PLA2G4E: variants seen among roughly 807,000 people sequenced by gnomAD.
PLA2G4E encodes the protein cytosolic phospholipase A2 epsilon.
In PLA2G4E, 84 loss-of-function variants were observed where a neutral mutation model predicts 109.1. That is an observed-to-expected ratio of 0.77 (90% CI 0.65 to 0.92). PLA2G4E has a LOEUF of 0.92. PLA2G4E is among the 40% of genes least tolerant of loss of function. PLA2G4E has a pLI of 0.00. For synonymous variants in PLA2G4E, 469 were observed against 436.1 expected (o/e 1.08, Z -0.94); for missense variants, 1,057 against 1,076.6 (o/e 0.98, Z 0.25).
Position 42,050,424 on chromosome 15 carries a change from C to G in PLA2G4E, c.183+97G>C, listed in dbSNP as rs1381071549. ...AAGAAATGAACAAAAACCACAACCT[C>G]TTAACTCTGCAGCAATGCAGGTGAT... On this transcript the variant is annotated intron_variant, in intron 1 of 19. Coordinates refer to ENST00000399518, the Ensembl canonical transcript of PLA2G4E. The G allele has an allele frequency of 7.2e-6, 10 of 1,381,906 alleles. No homozygotes were observed. In the African/African-American group the frequency reaches 1.5e-4, roughly 20 times the overall value. 85.6% of individuals were successfully genotyped at this position (1,381,906 alleles called of 1,614,324 possible).
intron 1 of PLA2G4E, among the ~76,000 whole-genome samples, chr15:42,017,991 C>T (rs1365949003): frequency 6.6e-6 from 1 of 152,152 alleles, no homozygotes; most frequent in Non-Finnish European, 1.5e-5. Context: ...CACATTTTGC[C>T]AGCACAGAAT....
chr15:41,983,557 A>G (rs932943738), exon 20 of PLA2G4E: 19 of 600,674 alleles, frequency 3.2e-5, no homozygotes, highest in Non-Finnish European at 4.4e-5. Context: ...ATAAAACCCC[A>G]ACAGAGCTCC....
At chr15:42,025,592 T>C (rs1051542058) in intron 1 of PLA2G4E, among the ~76,000 whole-genome samples, 2 of 152,190 alleles carry the variant, frequency 1.3e-5, no homozygotes, top group African/African-American at 4.8e-5. Flanking sequence ...GGACCCATTG[T>C]ATGCAGGCGA....
At chr15:42,031,432 G>T (rs576274608) in intron 1 of PLA2G4E, among the ~76,000 whole-genome samples, 1 of 152,202 alleles carries the variant, frequency 6.6e-6, no homozygotes, top group South Asian at 2.1e-4. Flanking sequence ...GGCATGTCTG[G>T]GCTCGTCTAA....
At chr15:41,997,922 G>GC (rs1171631712) in intron 10 of PLA2G4E, 1 of 150,572 alleles carries the variant, frequency 6.6e-6, no homozygotes, top group South Asian at 2.1e-4. Flanking sequence ...TCACATCCCT[G>GC]CCCCAAACAA....
chr15:41,992,910 C>G, exon 13 of PLA2G4E: 1 of 1,613,914 alleles, frequency 6.2e-7, no homozygotes, highest in Non-Finnish European at 8.5e-7. Context: ...ATAGCAGGCT[C>G]CAAGTTTTTG....
At chr15:42,000,063 C>T (rs1191083668) in intron 8 of PLA2G4E, 41 bp downstream of exon 8, 6 of 1,572,878 alleles carry the variant, frequency 3.8e-6, no homozygotes, top group Non-Finnish European at 8.6e-7. Context: ...CCCCACCTGT[C>T]CCAGTCCCCC....
chr15:42,050,365 A>G (rs1272760249), intron 1 of PLA2G4E, among the ~76,000 whole-genome samples: 1 of 152,236 alleles, frequency 6.6e-6, no homozygotes, highest in African/African-American at 2.4e-5. Flanking sequence ...CAGATAGGTG[A>G]TGGCAGCAGG....
intron 6 of PLA2G4E, among the ~76,000 whole-genome samples, 160 bp from the exon 7 acceptor site, chr15:42,001,380 C>T (rs1019211281): frequency 4.6e-5 from 7 of 152,128 alleles, no homozygotes; most frequent in African/African-American, 1.4e-4. Flanking sequence ...TTTCTGAACC[C>T]AATCAAGGCA....
In PLA2G4E at chr15:41,989,615, C is replaced by T. The variant is rs977084201; in HGVS notation, c.1586-63G>A. The T allele has an allele frequency of 7.8e-6, 12 of 1,546,246 alleles. 1 individual carries two copies. The Admixed American group carries it at 9.6e-5, about 12-fold the overall frequency. On this transcript the variant is annotated intron_variant, in intron 14 of 19. Transcript: ENST00000399518. ...CCAGGGAGCCGTCCACACAGCCGGG[C>T]CCCCCTCCTGCCTGCAGCCACTGGC...
intron 1 of PLA2G4E, among the ~76,000 whole-genome samples, chr15:42,037,584 A>C (rs1436876932): frequency 6.6e-6 from 1 of 152,170 alleles, no homozygotes; most frequent in Non-Finnish European, 1.5e-5. Flanking sequence ...AGAACTTGGT[A>C]CCTGTCTAAT....
chr15:42,002,264 C>CAAA (rs71108143), intron 6 of PLA2G4E, among the ~76,000 whole-genome samples: 3,292 of 72,430 alleles, frequency 0.045, 239 homozygotes, highest in South Asian at 0.14. Flanking sequence ...GACCTTGTCT[C>CAAA]AAAAAAAAAA....
At chr15:42,006,280 C>T (rs542262909) in intron 3 of PLA2G4E, 159 bp from the exon 4 acceptor site, 16 of 858,740 alleles carry the variant, frequency 1.9e-5, no homozygotes, top group East Asian at 8.7e-5. Flanking sequence ...TGTAGGGAAA[C>T]GAATTAAGGA....
exon 3 of PLA2G4E, chr15:42,007,760 C>T: frequency 1.2e-6 from 2 of 1,612,758 alleles, no homozygotes; most frequent in Non-Finnish European, 1.7e-6. Context: ...GAAGTTGAAG[C>T]TTTCATTCCA....
intron 1 of PLA2G4E, among the ~76,000 whole-genome samples, chr15:42,016,241 C>CTTTTTTTT (rs1168452228): frequency 7.6e-5 from 8 of 104,686 alleles, no homozygotes; most frequent in Admixed American, 2.0e-4. Flanking sequence ...TTTATCTTTA[C>CTTTTTTTT]TTTTTTTTTT....
chr15:42,013,829 C>T, intron 1 of PLA2G4E, 72 bp from the exon 2 acceptor site: 1 of 1,259,210 alleles, frequency 7.9e-7, no homozygotes, highest in South Asian at 1.3e-5. Flanking sequence ...GGGAGACTTT[C>T]CCGCTATGCC....
intron 2 of PLA2G4E, 106 bp from the exon 3 acceptor site, chr15:42,007,971 C>G: frequency 3.2e-6 from 4 of 1,243,120 alleles, no homozygotes; most frequent in Non-Finnish European, 4.5e-6. Context: ...CATCTCAGCT[C>G]CAGTTCCTCT....
In PLA2G4E at chr15:41,985,919, TG is replaced by T; in HGVS notation, c.2121del (p.Ser708AlafsTer29). The T allele has an allele frequency of 6.2e-7, 1 of 1,608,326 alleles. No individual in the cohort carries two copies. The highest frequency in any genetic ancestry group is 2.2e-5 in the East Asian group (1 of 44,732). On this transcript the variant is annotated frameshift_variant, in exon 18 of 20. Coordinates refer to ENST00000399518, the Ensembl canonical transcript of PLA2G4E. LOFTEE classifies it high-confidence loss of function. ...TCTGGCCTGAGGAGGGGCGGGTAGCTGGAGTTGACAAAGAACGCAGTGTCCA... is the reference window on the plus strand; with the variant it reads ...TCTGGCCTGAGGAGGGGCGGGTAGCTGAGTTGACAAAGAACGCAGTGTCCA...
intron 1 of PLA2G4E, among the ~76,000 whole-genome samples, chr15:42,023,444 G>C (rs543496849): frequency 5.9e-5 from 9 of 152,036 alleles, no homozygotes; most frequent in South Asian, 4.2e-4. Flanking sequence ...TTGAGCAGGA[G>C]AGCTGAACTT....
Sources: gnomAD v4.1 joint callset for allele counts (sites outside exome capture counted in the v4.1 genomes callset) on GRCh38, gnomAD v4.1.1 for gene constraint, MANE v1.5 for transcripts, NCBI Gene and HGNC (gene_info 2026-07-23, HGNC 2026-07-21) for gene names.